Variants in GINS1 observed in about 807,000 individuals in gnomAD.
GINS1 encodes the protein GINS complex subunit 1, also known as DNA replication complex GINS protein PSF1.
GINS1 carries 26 observed loss-of-function variants against 34.9 expected under a neutral mutation model. That is an observed-to-expected ratio of 0.74 (90% CI 0.55 to 1.03). The LOEUF (loss-of-function observed/expected upper bound fraction) is 1.03, where lower values mean the gene tolerates loss of function less well. Among genes scored for constraint, GINS1 ranks in the 50% least tolerant of loss-of-function variants. GINS1 has a pLI of 0.00. For synonymous variants in GINS1, 97 were observed against 84.4 expected (o/e 1.15, Z -0.82); for missense variants, 235 against 237.9 (o/e 0.99, Z 0.08).
chr20:25,422,419 GA>G lies in GINS1; in HGVS notation c.331-2781del, dbSNP rs879520064. Among the ~76,000 whole-genome samples, 415 of 138,722 alleles carry G rather than the reference GA, an allele frequency of 3.0e-3. 2 individuals are homozygous for G. Among genetic ancestry groups the G allele is most frequent in the African/African-American group, 7.8e-3 (295 of 37,914 alleles). The allele number at this position is 138,722 out of a possible 152,430, so 91.0% of individuals were successfully genotyped here. A position where few individuals can be genotyped will look rare whatever the true frequency, so the allele number is the denominator to read the frequency against. On this transcript the variant is annotated intron_variant, in intron 4 of 6. Transcript: ENST00000262460. ...TGAAACCCTATCTCTACCAAAAAAA[GA>G]AAAAAAAAAACAAAAAAAAACTTAG... is the stretch of plus-strand genomic sequence containing the variant.
At chr20:25,423,734 C>G (rs2090373652) in intron 4 of GINS1, among the ~76,000 whole-genome samples, 1 of 151,356 alleles carries the variant, frequency 6.6e-6, no homozygotes, top group Non-Finnish European at 1.5e-5. Flanking sequence ...CTTCCTCAGC[C>G]TCCCGAGTAG....
intron 4 of GINS1, 25 bp from the exon 5 acceptor site, chr20:25,425,186 C>T: frequency 1.0e-6 from 1 of 997,444 alleles, no homozygotes; most frequent in South Asian, 1.3e-5. Context: ...AGAATTTTGT[C>T]AAATGATCAT....
intron 5 of GINS1, among the ~76,000 whole-genome samples, chr20:25,430,399 T>A (rs1444636567): frequency 3.9e-5 from 6 of 152,270 alleles, no homozygotes; most frequent in African/African-American, 1.4e-4. Flanking sequence ...TTCGTTCTGT[T>A]AATGACTTAT....
Position 25,443,476 on chromosome 20 carries a change from C to CTTTT in GINS1, c.522+1716_522+1719dup, listed in dbSNP as rs11482627. On this transcript the variant is annotated intron_variant, in intron 6 of 6. Coordinates refer to ENST00000262460, the MANE Select transcript of GINS1 (RefSeq NM_021067.5). ...CAAATGCTGTCCTGTGGTTGAATTT[C>CTTTT]TTTTTTTTTTTTTTTTTTTGAGACA... Among the ~76,000 whole-genome samples, 14 of 124,728 alleles carry CTTTT rather than the reference C, an allele frequency of 1.1e-4. 1 individual carries two copies. The highest frequency in any genetic ancestry group is 4.6e-4 in the East Asian group (2 of 4,344). The allele number at this position is 124,728 out of a possible 152,430, so 81.8% of individuals were successfully genotyped here.
At chr20:25,432,569 C>T (rs1023499212) in intron 5 of GINS1, among the ~76,000 whole-genome samples, 13 of 151,970 alleles carry the variant, frequency 8.6e-5, no homozygotes, top group East Asian at 7.8e-4. Flanking sequence ...CGAGTTCAAG[C>T]GATTCTCCTG....
chr20:25,412,368 A>G (rs1251411595), intron 1 of GINS1, among the ~76,000 whole-genome samples: 2 of 150,916 alleles, frequency 1.3e-5, no homozygotes, highest in Non-Finnish European at 2.9e-5. Flanking sequence ...AGCCTGGCCA[A>G]TATAGTGAAA....
chr20:25,414,024 T>C (rs1397869634), intron 2 of GINS1, among the ~76,000 whole-genome samples, 170 bp downstream of exon 2: 1 of 151,966 alleles, frequency 6.6e-6, no homozygotes, highest in African/African-American at 2.4e-5. Context: ...ACCTTGTCTC[T>C]ACTAAAAATA....
rs1237385564 is a variant in GINS1, at chr20:25,413,867, AGAT to A, written c.140+17_140+19del. 6.3e-6 allele frequency: 9 copies of A among 1,428,940 alleles called. No individual in the cohort carries two copies. The highest frequency in any genetic ancestry group is 7.9e-6 in the Non-Finnish European group (8 of 1,010,734). The allele number at this position is 1,428,940 out of a possible 1,614,324, so 88.5% of individuals were successfully genotyped here. A position where few individuals can be genotyped will look rare whatever the true frequency, so the allele number is the denominator to read the frequency against. ...ACCAGTCTGATGTGTAAGTTTCATA[AGAT>A]GATATTCTAAAACAATTCAATAATT... On this transcript the variant is annotated intron_variant, in intron 2 of 6. Transcript: ENST00000262460.
At position 25,409,955 on chromosome 20, in the gene GINS1, T is replaced by C. The variant is rs8125032; in HGVS notation, c.75+2060T>C. On this transcript the variant is annotated intron_variant, in intron 1 of 6. Coordinates refer to ENST00000262460, the MANE Select transcript of GINS1 (RefSeq NM_021067.5). ...GTGCGGCCAAGCTGGATTTTGGACC[T>C]GACTCTGACACTTAGTTTAGCTCTC... 3.9e-3 allele frequency among the ~76,000 whole-genome samples: 600 copies of C among 152,332 alleles called. 4 individuals are homozygous for C. Among genetic ancestry groups the C allele is most frequent in the African/African-American group, 0.014 (578 of 41,572 alleles).
chr20:25,439,514 A>G (rs2090471269), intron 5 of GINS1, among the ~76,000 whole-genome samples: 1 of 152,158 alleles, frequency 6.6e-6, no homozygotes, highest in Non-Finnish European at 1.5e-5. Flanking sequence ...TTCAACAAAT[A>G]AAATACCAAG....
intron 5 of GINS1, among the ~76,000 whole-genome samples, chr20:25,425,708 TAAATC>T (rs2090386813): frequency 6.6e-6 from 1 of 152,068 alleles, no homozygotes; most frequent in South Asian, 2.1e-4. Flanking sequence ...AAAACAAAGT[TAAATC>T]AAAATGGAAA....
chr20:25,424,536 C>T (rs1209995907), intron 4 of GINS1, among the ~76,000 whole-genome samples: 19 of 152,064 alleles, frequency 1.2e-4, no homozygotes, highest in Admixed American at 1.2e-3. Context: ...TTAGTATATT[C>T]AGAGTTGTTG....
Position 25,446,173 on chromosome 20 carries a change from T to TTG in GINS1, c.*184_*185dup, listed in dbSNP as rs1266237618. 2.2e-6 allele frequency: 1 copy of TTG among 461,960 alleles called. No homozygotes were observed. 28.6% of individuals were successfully genotyped at this position (461,960 alleles called of 1,614,324 possible). On this transcript the variant is annotated 3_prime_UTR_variant, in exon 7 of 7. Transcript: ENST00000262460. ...TATTAAGGACTTTCTTTTTTTAATGTTGTACACTATTCTTCCTACTCTTTT... is the reference window on the plus strand; with the variant it reads ...TATTAAGGACTTTCTTTTTTTAATGTTGTGTACACTATTCTTCCTACTCTTTT...
intron 6 of GINS1, among the ~76,000 whole-genome samples, chr20:25,442,445 C>A (rs1388765366): frequency 6.6e-6 from 1 of 152,030 alleles, no homozygotes; most frequent in African/African-American, 2.4e-5. Flanking sequence ...CTCAAACTCT[C>A]CTGGGCTCAA....
At position 25,418,149 on chromosome 20, in the gene GINS1, G is replaced by A. The variant is rs367952564; in HGVS notation, c.284G>A (p.Gly95Asp). ...ATCAGAGCACTCAGATGGGAATATG[G>A]TAGCGTCTTGCCAAATGCATTACGA... ...LRIRALRWEY[G>D]SVLPNALRFH... is the part of the protein sequence containing the mutation. The change falls in exon 4 of 7, where the codon GGT becomes GAT. Residue 95 changes from glycine (G) to aspartate (D), a missense_variant. By Grantham distance (94) the Gly-to-Asp change is moderately conservative. Transcript: ENST00000262460. The A allele has an allele frequency of 1.1e-5, 17 of 1,605,438 alleles. No homozygotes were observed. In the African/African-American group the frequency reaches 2.1e-4, roughly 20 times the overall value.
chr20:25,440,626 C>T (rs1469727032), intron 5 of GINS1, among the ~76,000 whole-genome samples: 1 of 151,900 alleles, frequency 6.6e-6, no homozygotes, highest in Non-Finnish European at 1.5e-5. Context: ...GCCTGGCCAA[C>T]ATGGTGAAAC....
chr20:25,448,294 A>C lies in GINS1; in HGVS notation c.*2303A>C, dbSNP rs565937475. On this transcript the variant is annotated 3_prime_UTR_variant, in exon 7 of 7. Transcript: ENST00000262460. Reference sequence around the variant, plus strand: ...GCCTATAAACAAGGTCTGTCTTCCTAGGTATTAATGTTTTGTCTTCTATTT... The same window carrying C: ...GCCTATAAACAAGGTCTGTCTTCCTCGGTATTAATGTTTTGTCTTCTATTT... The C allele has an allele frequency of 6.6e-6, 1 of 152,334 alleles. No homozygotes were observed. The highest frequency in any genetic ancestry group is 2.1e-4 in the South Asian group (1 of 4,834). 9.4% of individuals were successfully genotyped at this position (152,334 alleles called of 1,614,324 possible).
At position 25,446,113 on chromosome 20, in the gene GINS1, T is replaced by G; in HGVS notation, c.*122T>G. 5.6e-6 allele frequency: 3 copies of G among 538,658 alleles called. No individual in the cohort carries two copies. The South Asian group carries it at 9.8e-5, about 18-fold the overall frequency. The allele number at this position is 538,658 out of a possible 1,614,324, so 33.4% of individuals were successfully genotyped here. On this transcript the variant is annotated 3_prime_UTR_variant, in exon 7 of 7. Transcript: ENST00000262460. Reference sequence around the variant, plus strand: ...AGCTATAGACATTGTTTAAGATAACTAAGAATACTTGGCTAAGAAGTATAA... The same window carrying G: ...AGCTATAGACATTGTTTAAGATAACGAAGAATACTTGGCTAAGAAGTATAA...
rs1330494149 is a variant in GINS1 at position 25,447,713 on chromosome 20, A to G, written c.*1722A>G. 1 of 152,246 alleles carries G rather than the reference A, an allele frequency of 6.6e-6. No homozygotes were observed. Among genetic ancestry groups the G allele is most frequent in the African/African-American group, 2.4e-5 (1 of 41,444 alleles). 9.4% of individuals were successfully genotyped at this position (152,246 alleles called of 1,614,324 possible). On this transcript the variant is annotated 3_prime_UTR_variant, in exon 7 of 7. Transcript: ENST00000262460. ...TGTGTTGAACTCCTGAGCTAAAGCAATACACTTGCCTCGTCCTCCCCATGT... is the reference window on the plus strand; with the variant it reads ...TGTGTTGAACTCCTGAGCTAAAGCAGTACACTTGCCTCGTCCTCCCCATGT...
Sources: allele counts gnomAD v4.1 joint callset (sites outside exome capture counted in the v4.1 genomes callset), GRCh38; gene constraint gnomAD v4.1.1; transcripts MANE v1.5; gene names NCBI Gene and HGNC (gene_info 2026-07-23, HGNC 2026-07-21).